The following IQCH variants were observed in gnomAD, a reference collection of about 807,000 sequenced individuals.
The protein encoded by IQCH is IQ domain-containing protein H.
A neutral mutation model predicts 117.0 loss-of-function variants in IQCH; 98 were observed. That is an observed-to-expected ratio of 0.84 (90% CI 0.71 to 0.99). IQCH has a LOEUF of 0.99. Ranked by LOEUF, IQCH falls within the 50% of genes least tolerant of loss-of-function variation. The pLI, the probability that IQCH is intolerant of heterozygous loss-of-function variation, is 0.00. For missense variants in IQCH, 1,102 were observed against 1,243.8 expected (o/e 0.89, Z 1.72); for synonymous variants, 412 against 448.2 (o/e 0.92, Z 1.02).
intron 16 of IQCH, among the ~76,000 whole-genome samples, chr15:67,439,601 A>G (rs1284680535): frequency 6.6e-6 from 1 of 152,056 alleles, no homozygotes; most frequent in East Asian, 1.9e-4. Flanking sequence ...AATACAAACA[A>G]TAGGCCAGGC....
chr15:67,412,404 C>CT (rs559238690), intron 14 of IQCH, among the ~76,000 whole-genome samples: 31 of 151,138 alleles, frequency 2.1e-4, no homozygotes, highest in African/African-American at 5.8e-4. Context: ...TTGTTGTTGT[C>CT]TTTTTTTTTG....
At chr15:67,353,107 C>T (rs1274751849) in intron 6 of IQCH, among the ~76,000 whole-genome samples, 1 of 151,346 alleles carries the variant, frequency 6.6e-6, no homozygotes, top group Non-Finnish European at 1.5e-5. Flanking sequence ...GATTGCTCCA[C>T]TGCAATCCAG....
Position 67,393,547 on chromosome 15 carries a change from G to T in IQCH, c.1633-1744G>T, listed in dbSNP as rs9888730. 5.1e-3 allele frequency among the ~76,000 whole-genome samples: 775 copies of T among 152,022 alleles called. 10 individuals carry two copies. The highest frequency in any genetic ancestry group is 0.017 in the African/African-American group (721 of 41,464). ...TTATTTTTTATTTTTTTGAGACAGGGTCTTATTGTGTCACCCAGGCTGGAG... is the reference window on the plus strand; with the variant it reads ...TTATTTTTTATTTTTTTGAGACAGGTTCTTATTGTGTCACCCAGGCTGGAG... On this transcript the variant is annotated intron_variant, in intron 12 of 20. Transcript: ENST00000335894. The surrounding 1 kb of genome is among the most constrained non-coding windows in gnomAD (Gnocchi z 5.5).
At position 67,490,797 on chromosome 15, in the gene IQCH, G is replaced by C. The variant is rs3897784; in HGVS notation, c.2861+733G>C. ...TCCTCCTCAGATCCAGTTTCAACCC[G>C]GGCGCAGTCTTCTCAAGGTACGCAT... is the stretch of plus-strand genomic sequence containing the variant. On this transcript the variant is annotated intron_variant, in intron 19 of 20. Transcript: ENST00000335894. This position sits in a 1 kb window ranked among gnomAD's most constrained non-coding sequence, Gnocchi z 4.9. Among the ~76,000 whole-genome samples the C allele has an allele frequency of 6.6e-6, 1 of 152,106 alleles. No individual in the cohort carries two copies. Among genetic ancestry groups the C allele is most frequent in the East Asian group, 1.9e-4 (1 of 5,176 alleles).
chr15:67,355,556 C>G (rs998382754), intron 6 of IQCH, among the ~76,000 whole-genome samples: 1 of 151,476 alleles, frequency 6.6e-6, no homozygotes, highest in African/African-American at 2.4e-5. Flanking sequence ...TGCCACTGCA[C>G]TCCAGCCCGG....
Position 67,344,061 on chromosome 15 carries a change from AG to A in IQCH, c.510del. ...TCACATTTTATTAATGTTTCTTTTT[AG>A]GGATTTTAAGTATGATAGAACGAGG... is the stretch of plus-strand genomic sequence containing the variant. On this transcript the variant is annotated splice_acceptor_variant, in intron 5 of 20. Transcript: ENST00000335894. LOFTEE classifies it high-confidence loss of function. 6.2e-7 allele frequency: 1 copy of A among 1,609,846 alleles called. No homozygotes were observed. Among genetic ancestry groups the A allele is most frequent in the Non-Finnish European group, 8.5e-7 (1 of 1,177,994 alleles).
chr15:67,391,603 G>T lies in IQCH; in HGVS notation c.1632+2597G>T, dbSNP rs1392801532. On this transcript the variant is annotated intron_variant, in intron 12 of 20. Transcript: ENST00000335894. The surrounding 1 kb of genome is among the most constrained non-coding windows in gnomAD (Gnocchi z 4.3). Reference sequence around the variant, plus strand: ...TCTCAGGTCAAAAAAAAAATCAGTGGTGATAAATTAAATGTAGCCATAATT... The same window carrying T: ...TCTCAGGTCAAAAAAAAAATCAGTGTTGATAAATTAAATGTAGCCATAATT... Among the ~76,000 whole-genome samples, 1 of 152,020 alleles carries T rather than the reference G, an allele frequency of 6.6e-6. No individual in the cohort carries two copies. The highest frequency in any genetic ancestry group is 1.5e-5 in the Non-Finnish European group (1 of 67,986).
At position 67,385,806 on chromosome 15, in the gene IQCH, C is replaced by T. The variant is rs181276345; in HGVS notation, c.1456+787C>T. ...ACAAAAATTAGATTTGTATTAGTTA[C>T]CAAATAAGAACTTCTTTGCTTTGTT... On this transcript the variant is annotated intron_variant, in intron 11 of 20. Transcript: ENST00000335894. The surrounding 1 kb of genome is among the most constrained non-coding windows in gnomAD (Gnocchi z 4.6). Among the ~76,000 whole-genome samples the T allele has an allele frequency of 8.9e-4, 136 of 152,230 alleles. 6 individuals are homozygous for T. The highest frequency in any genetic ancestry group is 6.8e-3 in the Middle Eastern group (2 of 294).
intron 6 of IQCH, among the ~76,000 whole-genome samples, chr15:67,353,650 C>T (rs1045191513): frequency 2.0e-5 from 3 of 151,966 alleles, no homozygotes; most frequent in Non-Finnish European, 2.9e-5. Flanking sequence ...TGAGCCACTG[C>T]GCCGTCAAAA....
At chr15:67,379,157 G>A (rs1206693339) in intron 10 of IQCH, among the ~76,000 whole-genome samples, 1 of 152,196 alleles carries the variant, frequency 6.6e-6, no homozygotes, top group Non-Finnish European at 1.5e-5. Context: ...TCTCATATCT[G>A]CTTCTGTATT....
rs767774343 is a variant in IQCH at position 67,390,655 on chromosome 15, A to AT, written c.1632+1654dup. Among the ~76,000 whole-genome samples the AT allele has an allele frequency of 4.8e-4, 73 of 151,830 alleles. No individual in the cohort carries two copies. The highest frequency in any genetic ancestry group is 9.3e-4 in the Non-Finnish European group (63 of 67,932). On this transcript the variant is annotated intron_variant, in intron 12 of 20. Coordinates refer to ENST00000335894, the MANE Select transcript of IQCH (RefSeq NM_001031715.3). The surrounding 1 kb of genome is among the most constrained non-coding windows in gnomAD (Gnocchi z 5.0). ...AGGTGTGTGCCACCACACCCAGCTA[A>AT]TTTTTGTATTTTTAGTAGAGACAGG...
chr15:67,472,209 C>T lies in IQCH; in HGVS notation c.2677-3487C>T, dbSNP rs1253554674. Reference sequence around the variant, plus strand: ...TAACTGGCGAGGAGGGGAGGACGTCCCCTAGCAGATGGGACAGAGTCCAAA... The same window carrying T: ...TAACTGGCGAGGAGGGGAGGACGTCTCCTAGCAGATGGGACAGAGTCCAAA... On this transcript the variant is annotated intron_variant, in intron 17 of 20. Transcript: ENST00000335894. The surrounding 1 kb of genome is among the most constrained non-coding windows in gnomAD (Gnocchi z 4.3). Among the ~76,000 whole-genome samples, 1 of 152,092 alleles carries T rather than the reference C, an allele frequency of 6.6e-6. No individual in the cohort carries two copies. Among genetic ancestry groups the T allele is most frequent in the South Asian group, 2.1e-4 (1 of 4,828 alleles).
rs1056721885 is a variant in IQCH, at chr15:67,496,959, A to G, written c.2970+2593A>G. Among the ~76,000 whole-genome samples, 2 of 143,630 alleles carry G rather than the reference A, an allele frequency of 1.4e-5. No individual in the cohort carries two copies. Among genetic ancestry groups the G allele is most frequent in the East Asian group, 2.1e-4 (1 of 4,752 alleles). 94.2% of individuals were successfully genotyped at this position (143,630 alleles called of 152,430 possible). A position where few individuals can be genotyped will look rare whatever the true frequency, so the allele number is the denominator to read the frequency against. Reference sequence around the variant, plus strand: ...CGTGAACCCGGGAAGCGGAGCTTGCAGTGAGCCGAGATTGCGCCACTGCAG... The same window carrying G: ...CGTGAACCCGGGAAGCGGAGCTTGCGGTGAGCCGAGATTGCGCCACTGCAG... On this transcript the variant is annotated intron_variant, in intron 20 of 20. Transcript: ENST00000335894. This position sits in a 1 kb window ranked among gnomAD's most constrained non-coding sequence, Gnocchi z 4.4.
intron 4 of IQCH, among the ~76,000 whole-genome samples, chr15:67,321,845 C>T (rs1968149513): frequency 6.6e-6 from 1 of 152,184 alleles, no homozygotes; most frequent in South Asian, 2.1e-4. Context: ...TGTACAGTTT[C>T]AATCTTTTGA....
Position 67,401,057 on chromosome 15 carries a change from T to G in IQCH, c.2097+752T>G, listed in dbSNP as rs141062693. 1.3e-5 allele frequency among the ~76,000 whole-genome samples: 2 copies of G among 152,310 alleles called. No homozygotes were observed. Among genetic ancestry groups the G allele is most frequent in the African/African-American group, 4.8e-5 (2 of 41,578 alleles). ...TAATAGCATTCTGTCAGCAGTCATG[T>G]GTTTTTGAAGACAATTCAAGGAAAT... On this transcript the variant is annotated intron_variant, in intron 14 of 20. Transcript: ENST00000335894. The surrounding 1 kb of genome is among the most constrained non-coding windows in gnomAD (Gnocchi z 4.7).
intron 4 of IQCH, among the ~76,000 whole-genome samples, chr15:67,310,809 C>T (rs1967554359): frequency 1.3e-5 from 2 of 152,078 alleles, no homozygotes; most frequent in African/African-American, 2.4e-5. Flanking sequence ...AAAATTTGGA[C>T]TCAACATGCA....
chr15:67,362,149 CCA>C (rs5813439), intron 8 of IQCH, among the ~76,000 whole-genome samples: 31,553 of 150,396 alleles, frequency 0.21, 3,910 homozygotes, highest in East Asian at 0.49. Context: ...TACGCACACA[CCA>C]CACACACACA....
chr15:67,319,069 T>C lies in IQCH; in HGVS notation c.388-17906T>C, dbSNP rs1276050576. On this transcript the variant is annotated intron_variant, in intron 4 of 20. Coordinates refer to ENST00000335894, the MANE Select transcript of IQCH (RefSeq NM_001031715.3). ...GGTGAAACCCCATCTCTACTAAAAA[T>C]ACAAAAAATTAACCAGGCGTGGTGG... Among the ~76,000 whole-genome samples the C allele has an allele frequency of 3.3e-5, 5 of 151,924 alleles. No individual in the cohort carries two copies. The South Asian group carries it at 1.0e-3, about 32-fold the overall frequency.
chr15:67,369,446 G>A lies in IQCH; in HGVS notation c.754-2665G>A, dbSNP rs8043060. 0.21 allele frequency among the ~76,000 whole-genome samples: 31,666 copies of A among 150,348 alleles called. 4,041 individuals carry two copies. Among genetic ancestry groups the A allele is most frequent in the East Asian group, 0.47 (2,399 of 5,084 alleles). On this transcript the variant is annotated intron_variant, in intron 8 of 20. Coordinates refer to ENST00000335894, the MANE Select transcript of IQCH (RefSeq NM_001031715.3). The surrounding 1 kb of genome is among the most constrained non-coding windows in gnomAD (Gnocchi z 5.2). ...TCAAGTCAGTAATATCATATTGGGA[G>A]TACAGCACATCTTAAAAAAGGAGGG...
Sources: allele counts gnomAD v4.1 joint callset (sites outside exome capture counted in the v4.1 genomes callset), GRCh38; gene constraint gnomAD v4.1.1; non-coding constraint Gnocchi (gnomAD v3.1); transcripts MANE v1.5; gene names NCBI Gene and HGNC (gene_info 2026-07-23, HGNC 2026-07-21).